The following MEIG1 variants were observed in gnomAD, a reference collection of about 807,000 sequenced individuals.
MEIG1 encodes meiosis expressed gene 1 protein homolog.
Under a neutral mutation model 11.3 loss-of-function variants are expected in MEIG1, and 12 were observed. The observed-to-expected ratio is 1.07, with a 90% CI of 0.68 to 1.73. MEIG1 has a LOEUF of 1.73. Among genes scored for constraint, MEIG1 ranks in the 40% most tolerant of loss-of-function variants. MEIG1 has a pLI of 0.00. For synonymous variants in MEIG1, 41 were observed against 33.2 expected, an observed-to-expected ratio of 1.24 and a Z score of -0.81; for missense variants, 119 against 104.9, an observed-to-expected ratio of 1.13 and a Z score of -0.59.
chr10:14,977,863 CA>C (rs1179600361), intron 1 of MEIG1, among the ~76,000 whole-genome samples: 2 of 151,856 alleles, frequency 1.3e-5, no homozygotes, highest in African/African-American at 4.8e-5. Context: ...CTTCTAATAT[CA>C]CCGTGAGTTT....
chr10:14,981,386 G>A (rs1843260998), intron 1 of MEIG1, among the ~76,000 whole-genome samples: 1 of 152,088 alleles, frequency 6.6e-6, no homozygotes, highest in South Asian at 2.1e-4. Flanking sequence ...TCCCTTCCCA[G>A]CAAGGTCAAG....
At chr10:14,968,617 A>G (rs949187285) in intron 2 of MEIG1, among the ~76,000 whole-genome samples, 8 of 152,220 alleles carry the variant, frequency 5.3e-5, no homozygotes, top group Non-Finnish European at 1.2e-4. Flanking sequence ...GTGGTTAACA[A>G]TAGAATTTAA....
chr10:14,961,231 A>G (rs540554142), intron 1 of MEIG1, among the ~76,000 whole-genome samples: 5 of 152,314 alleles, frequency 3.3e-5, no homozygotes, highest in African/African-American at 1.2e-4. Context: ...TGACTATGTC[A>G]TGTAACTTAC....
chr10:14,976,551 A>G (rs1171457246), downstream of MEIG1, among the ~76,000 whole-genome samples: 3 of 150,624 alleles, frequency 2.0e-5, no homozygotes, highest in East Asian at 2.0e-4. Context: ...TATTATCCTC[A>G]TAAGATGTCA....
downstream of MEIG1, among the ~76,000 whole-genome samples, chr10:14,975,693 A>G (rs1405576107): frequency 6.6e-6 from 1 of 151,946 alleles, no homozygotes; most frequent in Non-Finnish European, 1.5e-5. Flanking sequence ...GGAGAGGATA[A>G]CCCTACTCCC....
rs1403835545 is a variant in MEIG1, at chr10:14,966,118, C to T, written c.-29-322C>T. 4.1e-5 allele frequency among the ~76,000 whole-genome samples: 5 copies of T among 122,532 alleles called. No homozygotes were observed. In the Admixed American group the frequency reaches 5.6e-4, roughly 14 times the overall value. The allele number at this position is 122,532 out of a possible 152,430, so 80.4% of individuals were successfully genotyped here. On this transcript the variant is annotated intron_variant, in intron 1 of 2. Transcript: ENST00000407572. ...TTGCTCTGTCACCCAGCTTGGAGTG[C>T]GGTGGCACAATCTCAGCTCACTGCA...
chr10:14,979,253 T>C (rs1430236760), intron 1 of MEIG1, among the ~76,000 whole-genome samples: 1 of 151,392 alleles, frequency 6.6e-6, no homozygotes, highest in Non-Finnish European at 1.5e-5. Flanking sequence ...TCACAGGGGG[T>C]GTACACCCTG....
intron 2 of MEIG1, among the ~76,000 whole-genome samples, chr10:14,971,775 A>T (rs766167846): frequency 6.6e-6 from 1 of 152,180 alleles, no homozygotes; most frequent in Admixed American, 6.5e-5. Flanking sequence ...TGAAGTTTAG[A>T]TTACTTGGAA....
intron 2 of MEIG1, among the ~76,000 whole-genome samples, chr10:14,971,997 A>G (rs1280466284): frequency 6.6e-6 from 1 of 152,022 alleles, no homozygotes; most frequent in African/African-American, 2.4e-5. Flanking sequence ...GCTCTAGAGA[A>G]AAGCACTGAA....
rs1351242664 is a variant in MEIG1 at position 14,959,558 on chromosome 10, G to C, written c.-30+1G>C. The C allele has an allele frequency of 1.3e-5, 2 of 152,304 alleles. No homozygotes were observed. Among genetic ancestry groups the C allele is most frequent in the Non-Finnish European group, 2.9e-5 (2 of 68,088 alleles). The allele number at this position is 152,304 out of a possible 1,614,324, so 9.4% of individuals were successfully genotyped here. On this transcript the variant is annotated splice_donor_variant, in intron 1 of 2. Transcript: ENST00000407572. LOFTEE classifies it low-confidence loss of function (5UTR_SPLICE). ...TAACCCAGTAGAGCCGGACCCAGGG[G>C]TGGGTGGATGCGTCGCTGGAGGCGA...
intron 1 of MEIG1, among the ~76,000 whole-genome samples, chr10:14,962,878 C>T (rs147924844): frequency 0.022 from 3,330 of 151,946 alleles, 57 homozygotes; most frequent in Admixed American, 0.042. Flanking sequence ...AGTTCTCTGC[C>T]TCAGCCTCCT....
intron 1 of MEIG1, among the ~76,000 whole-genome samples, chr10:14,965,712 G>C (rs61842865): frequency 4.6e-5 from 1 of 21,566 alleles, no homozygotes; most frequent in African/African-American, 1.3e-4. Context: ...GAGAGAGAGA[G>C]AGAGGTGCAG....
downstream of MEIG1, among the ~76,000 whole-genome samples, chr10:14,975,983 A>G (rs564561806): frequency 7.9e-5 from 12 of 152,288 alleles, no homozygotes; most frequent in East Asian, 5.8e-4. Flanking sequence ...TTCCAGAGGC[A>G]GAGAAGATAT....
At chr10:14,961,638 A>ATTT (rs34536061) in intron 1 of MEIG1, among the ~76,000 whole-genome samples, 22 of 76,606 alleles carry the variant, frequency 2.9e-4, no homozygotes, top group South Asian at 5.1e-4. Context: ...CATCCGGCTA[A>ATTT]TTTTTTTTTT....
intron 1 of MEIG1, among the ~76,000 whole-genome samples, chr10:14,984,161 C>A (rs1035378780): frequency 7.3e-5 from 11 of 151,670 alleles, no homozygotes; most frequent in Admixed American, 3.9e-4. Context: ...GGTGGATCGT[C>A]ATATCCAGGC....
upstream of MEIG1, among the ~76,000 whole-genome samples, chr10:14,956,168 A>T (rs574413796): frequency 3.3e-5 from 5 of 152,362 alleles, no homozygotes; most frequent in Admixed American, 6.5e-5. Context: ...CATAGCCCAG[A>T]CCAAACCTAG....
intron 2 of MEIG1, among the ~76,000 whole-genome samples, chr10:14,967,944 T>C (rs1302202115): frequency 1.3e-5 from 2 of 152,212 alleles, no homozygotes; most frequent in African/African-American, 4.8e-5. Context: ...TCCATGTATA[T>C]ATGGACTCCC....
chr10:14,981,067 A>T (rs1348799202), intron 1 of MEIG1, among the ~76,000 whole-genome samples: 1 of 152,046 alleles, frequency 6.6e-6, no homozygotes, highest in East Asian at 1.9e-4. Flanking sequence ...ATCATTCCAC[A>T]AGTTCTTAGG....
chr10:14,966,557 C>CA lies in MEIG1; in HGVS notation c.90dup (p.Gly31ArgfsTer5). On this transcript the variant is annotated frameshift_variant, in exon 2 of 3. Coordinates refer to ENST00000407572, the MANE Select transcript of MEIG1 (RefSeq NM_001080836.3). LOFTEE classifies it high-confidence loss of function. ...GAAAATCTGTACAGATTTCAACAAG[C>CA]AGGATATCGGGATGAAACCGAATAT... 2 of 1,612,258 alleles carry CA rather than the reference C, an allele frequency of 1.2e-6. No homozygotes were observed. The highest frequency in any genetic ancestry group is 1.7e-6 in the Non-Finnish European group (2 of 1,179,326).
Sources: allele counts gnomAD v4.1 joint callset (sites outside exome capture counted in the v4.1 genomes callset), GRCh38; gene constraint gnomAD v4.1.1; transcripts MANE v1.5; gene names NCBI Gene and HGNC (gene_info 2026-07-23, HGNC 2026-07-21).